The following DGKG variants were observed in gnomAD, a reference collection of about 807,000 sequenced individuals.
DGKG encodes the protein DAG kinase gamma.
DGKG carries 78 observed loss-of-function variants against 105.3 expected under a neutral mutation model. That is an observed-to-expected ratio of 0.74 (90% CI 0.62 to 0.89). DGKG has a LOEUF of 0.89. Among genes scored for constraint, DGKG ranks in the 40% least tolerant of loss-of-function variants. The pLI is 0.00. For synonymous variants in DGKG, 346 were observed against 367.1 expected, an observed-to-expected ratio of 0.94 and a Z score of 0.66; for missense variants, 958 against 1,020.1, an observed-to-expected ratio of 0.94 and a Z score of 0.83.
At chr3:186,193,225 C>G (rs1411545899) in intron 21 of DGKG, among the ~76,000 whole-genome samples, 1 of 152,146 alleles carries the variant, frequency 6.6e-6, no homozygotes, top group African/African-American at 2.4e-5. Context: ...AACGTGCCTG[C>G]CTGGGCTTGA....
chr3:186,304,979 C>G (rs1724154798), intron 3 of DGKG, among the ~76,000 whole-genome samples: 1 of 152,094 alleles, frequency 6.6e-6, no homozygotes, highest in African/African-American at 2.4e-5. Context: ...CATAGAAGCC[C>G]AAGAAATGTT....
intron 15 of DGKG, 139 bp from the exon 16 acceptor site, chr3:186,260,652 G>T: frequency 1.5e-6 from 1 of 675,314 alleles, no homozygotes; most frequent in South Asian, 1.9e-5. Context: ...GGAGGGGAGG[G>T]CACTGCCTGC....
intron 24 of DGKG, among the ~76,000 whole-genome samples, chr3:186,153,816 T>A (rs1169947513): frequency 1.3e-5 from 2 of 152,140 alleles, no homozygotes; most frequent in South Asian, 2.1e-4. Context: ...TTGAAAGGTG[T>A]CTGAGGGGCC....
intron 1 of DGKG, among the ~76,000 whole-genome samples, chr3:186,335,374 A>G (rs1156274196): frequency 6.6e-6 from 1 of 152,150 alleles, no homozygotes; most frequent in South Asian, 2.1e-4. Flanking sequence ...TTCTCATTTG[A>G]TAATTGTGGT....
intron 21 of DGKG, among the ~76,000 whole-genome samples, chr3:186,197,845 A>G (rs867084428): frequency 3.3e-5 from 5 of 152,250 alleles, no homozygotes; most frequent in Middle Eastern, 3.4e-3. Context: ...CCGTTAACAT[A>G]CCCTTCCAGC....
chr3:186,297,475 T>C lies in DGKG; in HGVS notation c.319A>G (p.Ile107Val). 6.2e-7 allele frequency: 1 copy of C among 1,610,948 alleles called. No individual in the cohort carries two copies. ...TTGGTGGCATTATCTGCATTCTGTATATTAGTATCTGAGGAAAAAAAAGAA... is the reference window on the plus strand; with the variant it reads ...TTGGTGGCATTATCTGCATTCTGTACATTAGTATCTGAGGAAAAAAAAGAA... ...NSEANSADTNIQNADNATKAD... is the reference protein window; with the variant it reads ...NSEANSADTNVQNADNATKAD... The change falls in exon 5 of 25, where the codon ATA becomes GTA. Residue 107 changes from isoleucine (I) to valine (V), a missense_variant. Transcript: ENST00000265022.
intron 2 of DGKG, among the ~76,000 whole-genome samples, chr3:186,311,701 G>T (rs1189442687): frequency 6.6e-6 from 1 of 152,176 alleles, no homozygotes; most frequent in African/African-American, 2.4e-5. Flanking sequence ...CCTTGTCAGT[G>T]TGGGACAGGG....
Position 186,268,831 on chromosome 3 carries a change from G to A in DGKG, c.1086C>T (p.Thr362=), listed in dbSNP as rs762067212. 33 of 1,613,716 alleles carry A rather than the reference G, an allele frequency of 2.0e-5. No homozygotes were observed. Among genetic ancestry groups the A allele is most frequent in the East Asian group, 8.9e-5 (4 of 44,888 alleles). ...HKSIKCYQSV[T]ARHCVWCRMT... ...TCCGGCACCACACGCAGTGCCGCGC[G>A]GTGACACTCTGGTAGCACTTGATAC... Residue 362 remains threonine, a synonymous_variant, in exon 12 of 25, where the codon ACC becomes ACT. Coordinates refer to ENST00000265022, the MANE Select transcript of DGKG (RefSeq NM_001346.3).
intron 8 of DGKG, 56 bp downstream of exon 8, chr3:186,280,614 C>T (rs2108595189): frequency 8.8e-6 from 12 of 1,366,926 alleles, no homozygotes; most frequent in East Asian, 2.3e-5. Context: ...TTGAGTGTGT[C>T]CCCCTCCCGT....
intron 1 of DGKG, among the ~76,000 whole-genome samples, chr3:186,355,540 A>T (rs1233899605): frequency 6.7e-6 from 1 of 150,300 alleles, no homozygotes; most frequent in African/African-American, 2.5e-5. Context: ...CACCATCACC[A>T]CTATCACCAC....
In DGKG at chr3:186,270,525, C is replaced by T. The variant is rs6800473; in HGVS notation, c.1000-1608G>A. On this transcript the variant is annotated intron_variant, in intron 11 of 24. Coordinates refer to ENST00000265022, the MANE Select transcript of DGKG (RefSeq NM_001346.3). ...AATTATTGCTTTGGAAGATGTGTCA[C>T]GTTTGGTTGGTAGCTTATCACCTTG... 4.0e-3 allele frequency among the ~76,000 whole-genome samples: 609 copies of T among 152,308 alleles called. 6 individuals are homozygous for T. Among genetic ancestry groups the T allele is most frequent in the African/African-American group, 0.014 (584 of 41,568 alleles).
chr3:186,232,467 T>A (rs1031974531), intron 20 of DGKG, among the ~76,000 whole-genome samples: 3 of 152,220 alleles, frequency 2.0e-5, no homozygotes, highest in Non-Finnish European at 4.4e-5. Context: ...AAAGAAAAAT[T>A]AGTTTAAAAA....
At chr3:186,310,705 C>T (rs1724499737) in intron 2 of DGKG, among the ~76,000 whole-genome samples, 1 of 152,198 alleles carries the variant, frequency 6.6e-6, no homozygotes, top group Admixed American at 6.5e-5. Context: ...TTGTCAAAGC[C>T]TTTACCATAA....
intron 20 of DGKG, among the ~76,000 whole-genome samples, chr3:186,234,994 C>CAAA (rs1720344205): frequency 1.3e-5 from 2 of 151,946 alleles, no homozygotes; most frequent in South Asian, 4.1e-4. Context: ...ACAACAACAA[C>CAAA]AAAAAACCCT....
chr3:186,158,371 A>G, intron 24 of DGKG: 1 of 981,752 alleles, frequency 1.0e-6, no homozygotes, highest in Non-Finnish European at 1.2e-6. Context: ...TATTTTTGTA[A>G]TTTTTTGAGT....
intron 22 of DGKG, among the ~76,000 whole-genome samples, chr3:186,180,615 A>G (rs544464764): frequency 6.6e-6 from 1 of 152,280 alleles, no homozygotes; most frequent in South Asian, 2.1e-4. Flanking sequence ...ATGACTGTCA[A>G]ATCTCCACTG....
chr3:186,271,092 T>C (rs113802379), intron 11 of DGKG, among the ~76,000 whole-genome samples: 203 of 152,314 alleles, frequency 1.3e-3, no homozygotes, highest in African/African-American at 4.7e-3. Flanking sequence ...GGAGTCCTTC[T>C]GCAGGAGGGC....
intron 19 of DGKG, among the ~76,000 whole-genome samples, chr3:186,250,718 T>C (rs546796068): frequency 6.6e-6 from 1 of 151,940 alleles, no homozygotes; most frequent in African/African-American, 2.4e-5. Flanking sequence ...CTCGGCTAAT[T>C]TTTATATTTT....
chr3:186,183,064 A>G (rs2108496117), intron 22 of DGKG, among the ~76,000 whole-genome samples: 1 of 152,236 alleles, frequency 6.6e-6, no homozygotes, highest in South Asian at 2.1e-4. Context: ...TTGCAGAGGG[A>G]GCAGAATTTC....
Sources: allele counts gnomAD v4.1 joint callset (sites outside exome capture counted in the v4.1 genomes callset), GRCh38; gene constraint gnomAD v4.1.1; transcripts MANE v1.5; gene names NCBI Gene and HGNC (gene_info 2026-07-23, HGNC 2026-07-21).